The following RARB variants were observed in gnomAD, a reference collection of about 807,000 sequenced individuals.
The protein encoded by RARB is HBV-activated protein.
A neutral mutation model predicts 51.9 loss-of-function variants in RARB; 17 were observed. The observed-to-expected ratio is 0.33, with a 90% CI of 0.22 to 0.49. The LOEUF is 0.49. RARB is among the 20% of genes least tolerant of loss of function. The probability of loss-of-function intolerance (pLI) is 0.99; values close to 1 mark genes in which losing one functional copy is unlikely to be tolerated. For synonymous variants in RARB, 215 were observed against 195.4 expected (o/e 1.10, Z -0.84); for missense variants, 369 against 550.8 (o/e 0.67, Z 3.30).
At chr3:25,347,757 G>A (rs971629325) in intron 5 of RARB, among the ~76,000 whole-genome samples, 1 of 152,146 alleles carries the variant, frequency 6.6e-6, no homozygotes, top group Non-Finnish European at 1.5e-5. Flanking sequence ...AATGTGACAG[G>A]CGGAAGAGTG....
At chr3:25,225,722 A>G (rs1266009156) in intron 5 of RARB, among the ~76,000 whole-genome samples, 2 of 152,196 alleles carry the variant, frequency 1.3e-5, no homozygotes, top group Non-Finnish European at 2.9e-5. Flanking sequence ...ACTCACATAT[A>G]CGCACACGTA....
intron 3 of RARB, among the ~76,000 whole-genome samples, chr3:25,548,101 C>CT (rs66817079): frequency 0.056 from 7,055 of 126,220 alleles, 225 homozygotes; most frequent in Non-Finnish European, 0.066. Flanking sequence ...ATTCATTTGG[C>CT]TTTTTTTTTT....
intron 3 of RARB, among the ~76,000 whole-genome samples, chr3:25,531,384 A>ATAGG (rs1367911363): frequency 1.0e-5 from 1 of 98,106 alleles, no homozygotes; most frequent in African/African-American, 6.1e-5. Flanking sequence ...AGATAGATAG[A>ATAGG]TAGGTAGATA....
chr3:25,380,217 G>C (rs986185001), intron 5 of RARB, among the ~76,000 whole-genome samples: 1 of 152,118 alleles, frequency 6.6e-6, no homozygotes, highest in African/African-American at 2.4e-5. Context: ...CAACTCCTAA[G>C]GAGGTCCCAG....
intron 5 of RARB, among the ~76,000 whole-genome samples, chr3:25,308,182 C>T (rs1260042614): frequency 6.6e-6 from 1 of 152,132 alleles, no homozygotes; most frequent in African/African-American, 2.4e-5. Context: ...TCTTAATTTC[C>T]ACATGGCTGA....
intron 2 of RARB, among the ~76,000 whole-genome samples, chr3:24,942,035 T>C: frequency 6.6e-6 from 1 of 152,240 alleles, no homozygotes; most frequent in East Asian, 1.9e-4. Context: ...GCCATATTGA[T>C]GTGAAAGGTT....
At chr3:25,130,651 G>A (rs1433040484) in intron 3 of RARB, among the ~76,000 whole-genome samples, 1 of 151,730 alleles carries the variant, frequency 6.6e-6, no homozygotes, top group Non-Finnish European at 1.5e-5. Context: ...GGGGGAATTT[G>A]CCTTCTGTGC....
chr3:25,421,771 T>C (rs1371150531), intron 5 of RARB, among the ~76,000 whole-genome samples: 1 of 152,214 alleles, frequency 6.6e-6, no homozygotes, highest in African/African-American at 2.4e-5. Context: ...TTGACGTAGG[T>C]ACCATTAATA....
At chr3:25,189,406 T>A (rs889386483) in intron 5 of RARB, among the ~76,000 whole-genome samples, 15 of 152,120 alleles carry the variant, frequency 9.9e-5, no homozygotes, top group African/African-American at 3.6e-4. Flanking sequence ...TCTGAAGTAA[T>A]ACTCCCTTGA....
chr3:25,228,690 A>G (rs1702111408), intron 5 of RARB, among the ~76,000 whole-genome samples: 2 of 152,182 alleles, frequency 1.3e-5, no homozygotes, highest in Non-Finnish European at 2.9e-5. Context: ...TGCAGGTGGC[A>G]TATTTGATCC....
intron 3 of RARB, among the ~76,000 whole-genome samples, chr3:25,533,090 C>T: frequency 6.6e-6 from 1 of 152,140 alleles, no homozygotes; most frequent in East Asian, 1.9e-4. Context: ...GAGGCTGCCT[C>T]CACTTTTAAA....
chr3:25,339,350 G>A (rs143303003), intron 5 of RARB, among the ~76,000 whole-genome samples: 1 of 152,274 alleles, frequency 6.6e-6, no homozygotes, highest in Non-Finnish European at 1.5e-5. Flanking sequence ...CCAGTCAAAT[G>A]TAGCCAGCTG....
intron 5 of RARB, among the ~76,000 whole-genome samples, chr3:25,324,926 C>T (rs1372518231): frequency 6.6e-6 from 1 of 152,168 alleles, no homozygotes; most frequent in South Asian, 2.1e-4. Flanking sequence ...ATCCAGACCT[C>T]AAGAGAGCGT....
chr3:24,899,297 A>G (rs1467222307), intron 2 of RARB, among the ~76,000 whole-genome samples: 1 of 152,150 alleles, frequency 6.6e-6, no homozygotes, highest in African/African-American at 2.4e-5. Context: ...CATGAAAAGA[A>G]TAAGTGCTCC....
chr3:25,408,671 A>G (rs1330894976), intron 5 of RARB, among the ~76,000 whole-genome samples: 1 of 152,160 alleles, frequency 6.6e-6, no homozygotes, highest in Non-Finnish European at 1.5e-5. Context: ...CTAAGGGAAG[A>G]CTTCCCTGGC....
chr3:25,037,205 G>A (rs1698015366), intron 2 of RARB, among the ~76,000 whole-genome samples: 1 of 151,648 alleles, frequency 6.6e-6, no homozygotes, highest in Non-Finnish European at 1.5e-5. Flanking sequence ...ACATCTGGAA[G>A]CAATTTATGG....
At chr3:25,167,543 C>T (rs943576425) in intron 4 of RARB, among the ~76,000 whole-genome samples, 1 of 152,164 alleles carries the variant, frequency 6.6e-6, no homozygotes, top group African/African-American at 2.4e-5. Flanking sequence ...GCAGAGGCAC[C>T]AGCTATCCTG....
intron 3 of RARB, among the ~76,000 whole-genome samples, chr3:25,093,924 T>C (rs1163665610): frequency 6.6e-6 from 1 of 152,174 alleles, no homozygotes; most frequent in Non-Finnish European, 1.5e-5. Context: ...TCAGGGAGAC[T>C]GATTTGAGTC....
intron 5 of RARB, among the ~76,000 whole-genome samples, chr3:25,340,162 G>A (rs542828954): frequency 6.6e-6 from 1 of 152,110 alleles, no homozygotes; most frequent in Non-Finnish European, 1.5e-5. Context: ...AGAATGAGGA[G>A]TTTGGTGCTC....
Sources: gnomAD v4.1 joint callset for allele counts (sites outside exome capture counted in the v4.1 genomes callset) on GRCh38, gnomAD v4.1.1 for gene constraint, MANE v1.5 for transcripts, NCBI Gene and HGNC (gene_info 2026-07-23, HGNC 2026-07-21) for gene names.